The following ZNF385D variants were observed in gnomAD, a reference collection of about 807,000 sequenced individuals.
ZNF385D encodes zinc finger protein 385D, also known as zinc finger protein 659.
A neutral mutation model predicts 35.8 loss-of-function variants in ZNF385D; 15 were observed. The observed-to-expected ratio is 0.42, with a 90% CI of 0.28 to 0.64. The LOEUF is 0.64. ZNF385D is among the 30% of genes least tolerant of loss of function. The probability of loss-of-function intolerance (pLI) is 0.23; values close to 1 mark genes in which losing one functional copy is unlikely to be tolerated. For synonymous variants in ZNF385D, 212 were observed against 186.8 expected, an observed-to-expected ratio of 1.13 and a Z score of -1.10; for missense variants, 474 against 494.6, an observed-to-expected ratio of 0.96 and a Z score of 0.39.
intron 2 of ZNF385D, among the ~76,000 whole-genome samples, chr3:22,299,414 G>C (rs904389472): frequency 6.6e-5 from 10 of 151,532 alleles, no homozygotes; most frequent in African/African-American, 2.4e-4. Flanking sequence ...TATACTACAC[G>C]GGGGGAATGG....
chr3:22,297,648 T>C (rs1364997618), intron 2 of ZNF385D, among the ~76,000 whole-genome samples: 2 of 152,102 alleles, frequency 1.3e-5, no homozygotes, highest in East Asian at 1.9e-4. Context: ...GACCTCAGGC[T>C]GTTCTTTTCT....
intron 3 of ZNF385D, among the ~76,000 whole-genome samples, chr3:21,827,386 G>C (rs558341925): frequency 1.3e-5 from 2 of 152,122 alleles, no homozygotes; most frequent in African/African-American, 4.8e-5. Context: ...CAGTTAAATA[G>C]ATTATTTTAA....
chr3:22,175,882 T>C (rs1374096975), intron 2 of ZNF385D, among the ~76,000 whole-genome samples: 1 of 149,350 alleles, frequency 6.7e-6, no homozygotes, highest in Non-Finnish European at 1.5e-5. Context: ...GAAAAATTTA[T>C]TTTACTGTTA....
At chr3:21,636,135 C>G (rs969066300) in intron 2 of ZNF385D, among the ~76,000 whole-genome samples, 3 of 151,758 alleles carry the variant, frequency 2.0e-5, no homozygotes, top group Non-Finnish European at 4.4e-5. Context: ...AACCTCCACA[C>G]TGTTTTCCGT....
intron 3 of ZNF385D, among the ~76,000 whole-genome samples, chr3:22,066,113 G>A (rs1446234167): frequency 6.6e-6 from 1 of 152,086 alleles, no homozygotes; most frequent in Non-Finnish European, 1.5e-5. Context: ...ACCGAGAAGA[G>A]TTGAAAGATG....
chr3:21,911,622 A>G (rs2125913678), intron 3 of ZNF385D, among the ~76,000 whole-genome samples: 1 of 152,132 alleles, frequency 6.6e-6, no homozygotes, highest in South Asian at 2.1e-4. Flanking sequence ...AGTTCATTTT[A>G]CCATTTTTAT....
intron 1 of ZNF385D, among the ~76,000 whole-genome samples, chr3:21,704,867 G>C (rs55905392): frequency 0.059 from 8,991 of 152,214 alleles, 395 homozygotes; most frequent in African/African-American, 0.11. Flanking sequence ...AGAAAAAGTA[G>C]ATACTTAATA....
chr3:21,546,892 A>C (rs2062392305), intron 3 of ZNF385D, among the ~76,000 whole-genome samples: 1 of 151,928 alleles, frequency 6.6e-6, no homozygotes, highest in African/African-American at 2.4e-5. Context: ...TGCCTGCCAA[A>C]GTCGCTGGAG....
intron 4 of ZNF385D, among the ~76,000 whole-genome samples, chr3:21,488,729 G>A (rs1370835791): frequency 6.6e-6 from 1 of 152,074 alleles, no homozygotes; most frequent in African/African-American, 2.4e-5. Context: ...ATGGCAACTG[G>A]AAGAGACTTA....
In ZNF385D at chr3:21,799,226, T is replaced by C. The variant is rs180998621; in HGVS notation, c.326-134198A>G. 9.2e-5 allele frequency among the ~76,000 whole-genome samples: 14 copies of C among 152,330 alleles called. 1 individual carries two copies. The East Asian group carries it at 2.7e-3, about 29-fold the overall frequency. On this transcript the variant is annotated intron_variant, in intron 3 of 5. Transcript: ENST00000494108. ...AGTTGATGGATGTTGTTTCCACCTT[T>C]TGGCAGTTGGGAATAGTGCTGCTAT...
chr3:21,744,517 T>G (rs903173198), intron 1 of ZNF385D, among the ~76,000 whole-genome samples: 3 of 152,210 alleles, frequency 2.0e-5, no homozygotes, highest in Non-Finnish European at 4.4e-5. Context: ...TTTCAGCTAC[T>G]TGTGCATATA....
At chr3:21,809,337 T>C (rs1038559483) in intron 3 of ZNF385D, among the ~76,000 whole-genome samples, 2 of 151,804 alleles carry the variant, frequency 1.3e-5, no homozygotes, top group Non-Finnish European at 2.9e-5. Flanking sequence ...TAAAAGACTA[T>C]TCTTGCACTC....
intron 1 of ZNF385D, among the ~76,000 whole-genome samples, chr3:21,731,375 A>C (rs748271095): frequency 6.6e-6 from 1 of 152,148 alleles, no homozygotes; most frequent in African/African-American, 2.4e-5. Context: ...GCTCACAGCC[A>C]TATTGAATGG....
intron 3 of ZNF385D, among the ~76,000 whole-genome samples, chr3:21,859,096 G>A (rs982430097): frequency 2.0e-4 from 30 of 151,984 alleles, no homozygotes; most frequent in African/African-American, 6.3e-4. Flanking sequence ...TTTGAGGAAG[G>A]GATTCTTTCA....
intron 2 of ZNF385D, among the ~76,000 whole-genome samples, chr3:21,598,621 AC>A (rs559317353): frequency 4.1e-4 from 62 of 152,286 alleles, no homozygotes; most frequent in African/African-American, 1.5e-3. Context: ...CGACTTGGAT[AC>A]TGAGAGAAAA....
chr3:21,693,531 T>C (rs541859009), intron 1 of ZNF385D, among the ~76,000 whole-genome samples: 54 of 152,338 alleles, frequency 3.5e-4, no homozygotes, highest in African/African-American at 1.2e-3. Context: ...AGCTTTGCCA[T>C]TTTTAAGCTG....
At chr3:21,749,392 T>C (rs1003344045) in intron 1 of ZNF385D, among the ~76,000 whole-genome samples, 2 of 152,168 alleles carry the variant, frequency 1.3e-5, no homozygotes, top group South Asian at 4.1e-4. Context: ...GACGATCACA[T>C]AAGGAATTGT....
chr3:22,213,727 A>G (rs1018488569), intron 2 of ZNF385D, among the ~76,000 whole-genome samples: 3 of 152,038 alleles, frequency 2.0e-5, no homozygotes, highest in African/African-American at 7.2e-5. Context: ...TCCATGGACC[A>G]AATTCTGTTC....
Position 22,338,496 on chromosome 3 carries a change from C to T in ZNF385D, c.106+33954G>A, listed in dbSNP as rs1000034560. The stretch of plus-strand genomic sequence containing the variant: ...AGTCAGATTTTTATAATAAACATGA[C>T]ATTACAGAAATATCAATATACAGTG... On this transcript the variant is annotated intron_variant, in intron 2 of 5. Transcript: ENST00000494108. Among the ~76,000 whole-genome samples the T allele has an allele frequency of 8.6e-5, 13 of 151,924 alleles. 1 individual carries two copies. The highest frequency in any genetic ancestry group is 2.9e-4 in the African/African-American group (12 of 41,336).
Sources: allele counts gnomAD v4.1 joint callset (sites outside exome capture counted in the v4.1 genomes callset), GRCh38; gene constraint gnomAD v4.1.1; transcripts MANE v1.5; gene names NCBI Gene and HGNC (gene_info 2026-07-23, HGNC 2026-07-21).